The following CSMD1 variants were observed in gnomAD, a reference collection of about 807,000 sequenced individuals.
CSMD1 encodes the protein CUB and sushi domain-containing protein 1.
CSMD1 carries 213 observed loss-of-function variants against 417.5 expected under a neutral mutation model. That is an observed-to-expected ratio of 0.51 (90% confidence interval 0.46 to 0.57). The LOEUF (loss-of-function observed/expected upper bound fraction) is 0.57, where lower values mean the gene tolerates loss of function less well. CSMD1 is among the 20% of genes least tolerant of loss of function. The probability of loss-of-function intolerance (pLI) is 0.00; values close to 1 mark genes in which losing one functional copy is unlikely to be tolerated. For synonymous variants in CSMD1, 2,862 were observed against 1,736.8 expected, an observed-to-expected ratio of 1.65 and a Z score of -16.11; for missense variants, 6,923 against 4,529.7, an observed-to-expected ratio of 1.53 and a Z score of -15.17.
chr8:4,469,886 G>C (rs544547902), intron 2 of CSMD1, among the ~76,000 whole-genome samples: 3 of 145,916 alleles, frequency 2.1e-5, no homozygotes, highest in East Asian at 4.0e-4. Context: ...TTTTTTATTT[G>C]AGACGGAGTG....
At chr8:4,299,918 T>C (rs549469527) in intron 3 of CSMD1, among the ~76,000 whole-genome samples, 1 of 152,292 alleles carries the variant, frequency 6.6e-6, no homozygotes, top group African/African-American at 2.4e-5. Context: ...TATAAGCCAC[T>C]GCGCCCGGCC....
chr8:4,090,742 A>C (rs1800674038), intron 3 of CSMD1, among the ~76,000 whole-genome samples: 1 of 152,200 alleles, frequency 6.6e-6, no homozygotes. Context: ...CATTAAACCA[A>C]CACATATAAA....
intron 26 of CSMD1, among the ~76,000 whole-genome samples, chr8:3,252,644 T>A (rs184841190): frequency 3.9e-5 from 6 of 152,180 alleles, no homozygotes; most frequent in Admixed American, 1.3e-4. Flanking sequence ...TGGTAGCAGT[T>A]CCTCCTTATA....
At position 4,105,105 on chromosome 8, in the gene CSMD1, G is replaced by A. The variant is rs747687205; in HGVS notation, c.416-73006C>T. On this transcript the variant is annotated intron_variant, in intron 3 of 69. Coordinates refer to ENST00000635120, the MANE Select transcript of CSMD1 (RefSeq NM_033225.6). Reference sequence around the variant, plus strand: ...AGACAGCAAGGGAGGGTTTTAATGTGTCCTTAGCTCCCTACATGTAATACA... The same window carrying A: ...AGACAGCAAGGGAGGGTTTTAATGTATCCTTAGCTCCCTACATGTAATACA... Among the ~76,000 whole-genome samples, 4 of 152,248 alleles carry A rather than the reference G, an allele frequency of 2.6e-5. No homozygotes were observed. The South Asian group carries it at 6.2e-4, about 24-fold the overall frequency.
chr8:4,838,777 G>C (rs931859773), intron 1 of CSMD1, among the ~76,000 whole-genome samples: 2 of 152,162 alleles, frequency 1.3e-5, no homozygotes, highest in African/African-American at 2.4e-5. Context: ...CTCCCACCCA[G>C]AGTTTGGTCG....
intron 8 of CSMD1, among the ~76,000 whole-genome samples, chr8:3,610,413 T>C (rs1801832818): frequency 6.6e-6 from 1 of 152,130 alleles, no homozygotes; most frequent in Non-Finnish European, 1.5e-5. Context: ...CTCATGCTTA[T>C]ACTCCCAACT....
In CSMD1 at chr8:3,672,931, C is replaced by A. The variant is rs951403106; in HGVS notation, c.1009+35483G>T. ...TAAAAAGCCTTTTCCAAGCTCTTCA[C>A]CCCAAGGAGAATCAATAACTTATCT... is the stretch of plus-strand genomic sequence containing the variant. On this transcript the variant is annotated intron_variant, in intron 7 of 69. Coordinates refer to ENST00000635120, the MANE Select transcript of CSMD1 (RefSeq NM_033225.6). Among the ~76,000 whole-genome samples the A allele has an allele frequency of 4.6e-5, 7 of 152,158 alleles. No individual in the cohort carries two copies. The East Asian group carries it at 1.2e-3, about 25-fold the overall frequency.
At chr8:4,531,872 G>T (rs117824961) in intron 2 of CSMD1, among the ~76,000 whole-genome samples, 1 of 151,216 alleles carries the variant, frequency 6.6e-6, no homozygotes, top group Non-Finnish European at 1.5e-5. Context: ...CAGTCACTCC[G>T]GAAGAGAAAT....
intron 1 of CSMD1, among the ~76,000 whole-genome samples, chr8:4,776,724 T>C (rs780913680): frequency 8.5e-5 from 13 of 152,176 alleles, no homozygotes; most frequent in Non-Finnish European, 1.3e-4. Context: ...TTTAATTTTG[T>C]AGCAAAGTGC....
chr8:3,508,000 T>C (rs1213376362), intron 10 of CSMD1, among the ~76,000 whole-genome samples: 2 of 152,226 alleles, frequency 1.3e-5, no homozygotes, highest in South Asian at 2.1e-4. Context: ...GTGCAGAGGC[T>C]CTTGAGTTTT....
At chr8:4,970,951 A>T (rs773769984) in intron 1 of CSMD1, among the ~76,000 whole-genome samples, 17 of 152,112 alleles carry the variant, frequency 1.1e-4, no homozygotes, top group Non-Finnish European at 2.1e-4. Context: ...TTAACATATG[A>T]TATCAGTGTG....
intron 3 of CSMD1, among the ~76,000 whole-genome samples, chr8:4,271,096 C>A (rs1046750096): frequency 6.6e-6 from 1 of 152,148 alleles, no homozygotes; most frequent in African/African-American, 2.4e-5. Context: ...TTTCAAAGTC[C>A]ACTCCTTTTA....
At chr8:3,278,391 C>A (rs1006548269) in intron 26 of CSMD1, 7 of 152,084 alleles carry the variant, frequency 4.6e-5, no homozygotes, top group African/African-American at 1.4e-4. Context: ...TTAATCACAC[C>A]TCTAATGCTT....
chr8:4,415,850 T>A (rs1309556974), intron 3 of CSMD1, among the ~76,000 whole-genome samples: 1 of 152,162 alleles, frequency 6.6e-6, no homozygotes, highest in African/African-American at 2.4e-5. Context: ...TATACGTAAA[T>A]AAACGTAATA....
intron 26 of CSMD1, among the ~76,000 whole-genome samples, chr8:3,279,661 G>A (rs111444798): frequency 0.035 from 5,303 of 152,212 alleles, 117 homozygotes; most frequent in African/African-American, 0.065. Context: ...AAGGAAAGAG[G>A]TTTAATTAAC....
At chr8:4,976,911 C>T (rs1040779333) in intron 1 of CSMD1, among the ~76,000 whole-genome samples, 2 of 152,030 alleles carry the variant, frequency 1.3e-5, no homozygotes, top group African/African-American at 4.8e-5. Context: ...AAAAAAAAAT[C>T]CTCCAGAGCA....
intron 6 of CSMD1, among the ~76,000 whole-genome samples, chr8:3,734,634 C>G (rs1796434800): frequency 6.6e-6 from 1 of 152,176 alleles, no homozygotes. Flanking sequence ...TTGCTTGAAC[C>G]TGGGAGGCGG....
At chr8:3,676,415 C>A (rs993727874) in intron 7 of CSMD1, among the ~76,000 whole-genome samples, 2 of 152,168 alleles carry the variant, frequency 1.3e-5, no homozygotes, top group Non-Finnish European at 2.9e-5. Context: ...GCTGGACACG[C>A]CACAGGCACC....
At chr8:3,903,384 C>T (rs1043771535) in intron 5 of CSMD1, among the ~76,000 whole-genome samples, 1 of 151,984 alleles carries the variant, frequency 6.6e-6, no homozygotes, top group Non-Finnish European at 1.5e-5. Context: ...TGCACTATGT[C>T]ATTATCATAA....
Sources: gnomAD v4.1 joint callset for allele counts (sites outside exome capture counted in the v4.1 genomes callset) on GRCh38, gnomAD v4.1.1 for gene constraint, MANE v1.5 for transcripts, NCBI Gene and HGNC (gene_info 2026-07-23, HGNC 2026-07-21) for gene names.